Variants in FMN2 observed in about 807,000 individuals in gnomAD.
The protein encoded by FMN2 is formin-2.
Under a neutral mutation model 142.3 loss-of-function variants are expected in FMN2, and 51 were observed. That is an observed-to-expected ratio of 0.36 (90% CI 0.29 to 0.45). The LOEUF is 0.45. Among genes scored for constraint, FMN2 ranks in the 20% least tolerant of loss-of-function variants. FMN2 has a pLI of 1.00. For missense variants in FMN2, 1,936 were observed against 2,122.8 expected (o/e 0.91, Z 1.73); for synonymous variants, 882 against 869.8 (o/e 1.01, Z -0.25).
chr1:240,339,207 T>G (rs1026527735), intron 13 of FMN2, among the ~76,000 whole-genome samples: 11 of 152,162 alleles, frequency 7.2e-5, no homozygotes, highest in African/African-American at 2.7e-4. Flanking sequence ...GACCCCTGAC[T>G]TAGGAGCCAT....
At chr1:240,355,762 C>A in intron 13 of FMN2, 54 bp from the exon 14 acceptor site, 2 of 1,311,810 alleles carry the variant, frequency 1.5e-6, no homozygotes, top group Non-Finnish European at 2.2e-6. Flanking sequence ...TCAAAATTGC[C>A]TTAATGCTCC....
chr1:240,407,009 C>T (rs1332622765), intron 15 of FMN2, among the ~76,000 whole-genome samples: 1 of 152,174 alleles, frequency 6.6e-6, no homozygotes. Flanking sequence ...TTGTTGTCTA[C>T]TCCGGCATGC....
rs528161912 is a variant in FMN2 at position 240,276,409 on chromosome 1, G to A, written c.4153+18377G>A. Among the ~76,000 whole-genome samples the A allele has an allele frequency of 2.6e-5, 4 of 152,286 alleles. No individual in the cohort carries two copies. The South Asian group carries it at 6.2e-4, about 24-fold the overall frequency. ...GTGTGTTAGGATGTAAGGGAAGAGT[G>A]TGAGGGACAATATAATTTGAGGAGA... On this transcript the variant is annotated intron_variant, in intron 7 of 17. Coordinates refer to ENST00000319653, the MANE Select transcript of FMN2 (RefSeq NM_020066.5).
At chr1:240,421,618 G>T (rs753709988) in intron 15 of FMN2, among the ~76,000 whole-genome samples, 2 of 152,068 alleles carry the variant, frequency 1.3e-5, no homozygotes, top group Non-Finnish European at 1.5e-5. Context: ...TTTGTTTTGT[G>T]GGGGGTGTGG....
chr1:240,177,975 T>G lies in FMN2; in HGVS notation c.1837T>G (p.Tyr613Asp). 6.2e-7 allele frequency: 1 copy of G among 1,612,084 alleles called. No individual in the cohort carries two copies. The highest frequency in any genetic ancestry group is 1.3e-5 in the African/African-American group (1 of 74,938). Reference sequence around the variant, plus strand: ...TAGTCAACCCACACACTCATTGGACTATTCAGAAGGGCAGTTTCCTAGGCG... The same window carrying G: ...TAGTCAACCCACACACTCATTGGACGATTCAGAAGGGCAGTTTCCTAGGCG... ...AVSQPTHSLD[Y>D]SEGQFPRRVP... The change falls in exon 3 of 18, where the codon TAT becomes GAT. Residue 613 changes from tyrosine to aspartate, a missense_variant. Around this residue, in one of 8 missense-constraint regions of FMN2, gnomAD observed 478 missense variants for 462.8 expected, o/e 1.03. Coordinates refer to ENST00000319653, the MANE Select transcript of FMN2 (RefSeq NM_020066.5).
intron 6 of FMN2, among the ~76,000 whole-genome samples, chr1:240,251,943 C>T (rs1377876883): frequency 2.0e-5 from 3 of 152,200 alleles, no homozygotes; most frequent in African/African-American, 7.2e-5. Flanking sequence ...AAGTCTCACT[C>T]TGTTGCCTAG....
At position 240,208,635 on chromosome 1, in the gene FMN2, G is replaced by A. The variant is rs1222023367; in HGVS notation, c.3823G>A (p.Gly1275Arg). The A allele has an allele frequency of 6.2e-7, 1 of 1,613,780 alleles. No homozygotes were observed. The highest frequency in any genetic ancestry group is 2.2e-5 in the East Asian group (1 of 44,810). Residue 1275 changes from glycine to arginine, a missense_variant, in exon 5 of 18, where the codon GGG becomes AGG. Coordinates refer to ENST00000319653, the MANE Select transcript of FMN2 (RefSeq NM_020066.5). ...ATTGCCAAGTGGCTTGTTTGGATTA[G>A]GGATGAATCAGGACAAAGGGAGTAG... ...PPLPSGLFGL[G>R]MNQDKGSRKQ...
chr1:240,312,809 T>C (rs1356605001), intron 8 of FMN2, among the ~76,000 whole-genome samples: 1 of 152,224 alleles, frequency 6.6e-6, no homozygotes, highest in Non-Finnish European at 1.5e-5. Context: ...CAATGTATTA[T>C]AGAATCTGTT....
chr1:240,131,714 G>GA (rs537725837), intron 2 of FMN2, among the ~76,000 whole-genome samples: 33 of 142,942 alleles, frequency 2.3e-4, no homozygotes, highest in African/African-American at 3.6e-4. Context: ...GTCTCAAAAA[G>GA]AAAAAAAAAA....
At chr1:240,184,499 A>G (rs1311940302) in intron 3 of FMN2, among the ~76,000 whole-genome samples, 2 of 143,564 alleles carry the variant, frequency 1.4e-5, no homozygotes, top group African/African-American at 2.6e-5. Flanking sequence ...TACAGATGTG[A>G]GCCATTGCGC....
intron 15 of FMN2, among the ~76,000 whole-genome samples, chr1:240,402,225 T>C (rs954476350): frequency 2.0e-5 from 3 of 152,248 alleles, no homozygotes; most frequent in Admixed American, 6.5e-5. Context: ...CTATAAATAG[T>C]ATTAAAAACA....
intron 2 of FMN2, chr1:240,170,622 T>G (rs1004448511): frequency 7.6e-6 from 12 of 1,575,280 alleles, no homozygotes; most frequent in Middle Eastern, 1.7e-4. Flanking sequence ...AATGCACAGT[T>G]GTGGCTGATA....
At chr1:240,211,011 CCTTCTTCCTTT>C in intron 5 of FMN2, 69 bp from the exon 6 acceptor site, 1 of 1,369,292 alleles carries the variant, frequency 7.3e-7, no homozygotes, top group Non-Finnish European at 9.9e-7. Flanking sequence ...TCCTCCCTCC[CCTTCTTCCTTT>C]CTATTTATGC....
rs779355644 is a variant in FMN2, at chr1:240,123,136, TG to T, written c.1616-42del. ...GTCCCCTGGCGAGTTCAGAGCCAGG[TG>T]ATCGGCAGTGCTCGCTCTTAATGAC... On this transcript the variant is annotated intron_variant, in intron 1 of 17. Transcript: ENST00000319653. 6 of 1,608,450 alleles carry T rather than the reference TG, an allele frequency of 3.7e-6. No individual in the cohort carries two copies. The East Asian group carries it at 1.3e-4, about 36-fold the overall frequency.
chr1:240,277,071 C>T (rs1669240055), intron 7 of FMN2, among the ~76,000 whole-genome samples: 1 of 152,112 alleles, frequency 6.6e-6, no homozygotes, highest in African/African-American at 2.4e-5. Flanking sequence ...GGAACATAAA[C>T]AATAGCGGCT....
At chr1:240,432,176 A>G (rs1029980134) in intron 15 of FMN2, among the ~76,000 whole-genome samples, 1 of 151,946 alleles carries the variant, frequency 6.6e-6, no homozygotes, top group African/African-American at 2.4e-5. Context: ...AAAATAATTG[A>G]ATTGTCTTAG....
chr1:240,444,881 A>C (rs141459747), intron 16 of FMN2, among the ~76,000 whole-genome samples: 2 of 152,372 alleles, frequency 1.3e-5, no homozygotes, highest in South Asian at 4.1e-4. Flanking sequence ...GAATGGAGAT[A>C]AGGAAAGTTT....
In FMN2 at chr1:240,473,940, T is replaced by G. The variant is rs1472914664; in HGVS notation, c.5143-188T>G. 7.0e-6 allele frequency among the ~76,000 whole-genome samples: 1 copy of G among 143,360 alleles called. No individual in the cohort carries two copies. Among genetic ancestry groups the G allele is most frequent in the Non-Finnish European group, 1.6e-5 (1 of 63,800 alleles). The allele number at this position is 143,360 out of a possible 152,430, so 94.0% of individuals were successfully genotyped here. ...TCTCAAAAGTATTTGGCGATTTGTC[T>G]TGATAAAAGTGCTCAAAGATAACAC... On this transcript the variant is annotated intron_variant, in intron 17 of 17. Coordinates refer to ENST00000319653, the MANE Select transcript of FMN2 (RefSeq NM_020066.5). This position sits in a 1 kb window ranked among gnomAD's most constrained non-coding sequence, Gnocchi z 4.3.
intron 13 of FMN2, among the ~76,000 whole-genome samples, chr1:240,338,223 C>T (rs149797584): frequency 3.3e-5 from 5 of 152,148 alleles, no homozygotes. Flanking sequence ...GTTTAAAATT[C>T]ATCAACTATA....
Sources: allele counts gnomAD v4.1 joint callset (sites outside exome capture counted in the v4.1 genomes callset), GRCh38; gene constraint gnomAD v4.1.1; regional missense constraint gnomAD v4.1.1; non-coding constraint Gnocchi (gnomAD v3.1); transcripts MANE v1.5; gene names NCBI Gene and HGNC (gene_info 2026-07-23, HGNC 2026-07-21).